Variants in SKAP2 observed in about 807,000 individuals in gnomAD.
SKAP2 encodes src kinase associated phosphoprotein 2, also known as src kinase-associated phosphoprotein 2.
Under a neutral mutation model 54.9 loss-of-function variants are expected in SKAP2, and 28 were observed. The ratio of observed to expected loss-of-function variants is 0.51; its 90% CI spans 0.38 to 0.70. The LOEUF (loss-of-function observed/expected upper bound fraction) is 0.70. Ranked by LOEUF, SKAP2 falls within the 30% of genes least tolerant of loss-of-function variation. The probability of loss-of-function intolerance (pLI) is 0.00; values close to 1 mark genes in which losing one functional copy is unlikely to be tolerated. For synonymous variants in SKAP2, 137 were observed against 134.3 expected (o/e 1.02, Z -0.14); for missense variants, 356 against 424.1 (o/e 0.84, Z 1.41).
At chr7:26,851,793 G>C (rs192686702) in intron 3 of SKAP2, among the ~76,000 whole-genome samples, 8 of 151,762 alleles carry the variant, frequency 5.3e-5, no homozygotes, top group African/African-American at 1.9e-4. Flanking sequence ...AGATTATCTA[G>C]AGTAGAAGGG....
Position 26,854,772 on chromosome 7 carries a change from G to T in SKAP2, c.173+13C>A, listed in dbSNP as rs756651847. 5 of 1,578,268 alleles carry T rather than the reference G, an allele frequency of 3.2e-6. No individual in the cohort carries two copies. The highest frequency in any genetic ancestry group is 3.5e-6 in the Non-Finnish European group (4 of 1,157,776). ...TATGTAAGAAATCAGTAAACAAAAG[G>T]TAAGTGACTTACATAGACTTTACAT... On this transcript the variant is annotated intron_variant, in intron 2 of 12. Coordinates refer to ENST00000345317, the MANE Select transcript of SKAP2 (RefSeq NM_003930.5).
chr7:26,774,619 C>T (rs1165415722), intron 4 of SKAP2, among the ~76,000 whole-genome samples: 1 of 151,984 alleles, frequency 6.6e-6, no homozygotes, highest in Non-Finnish European at 1.5e-5. Flanking sequence ...TGACTATCCT[C>T]ACTCACTCTT....
intron 4 of SKAP2, among the ~76,000 whole-genome samples, chr7:26,755,278 T>C (rs941471594): frequency 4.3e-5 from 6 of 140,598 alleles, no homozygotes; most frequent in African/African-American, 1.6e-4. Context: ...TGCTGAAATA[T>C]GGAAATTTAA....
intron 6 of SKAP2, among the ~76,000 whole-genome samples, chr7:26,731,426 T>C (rs2127958110): frequency 6.6e-6 from 1 of 152,312 alleles, no homozygotes. Flanking sequence ...CCTCTGCCTA[T>C]CTCTTAAAAA....
In SKAP2 at chr7:26,820,948, T is replaced by C. The variant is rs188684623; in HGVS notation, c.307+23082A>G. ...CTACTACAATCTTTTGAAATACTAT[T>C]AATTATCCCTAATTTTACAAATTAA... On this transcript the variant is annotated intron_variant, in intron 4 of 12. Coordinates refer to ENST00000345317, the MANE Select transcript of SKAP2 (RefSeq NM_003930.5). Among the ~76,000 whole-genome samples, 13 of 152,262 alleles carry C rather than the reference T, an allele frequency of 8.5e-5. 1 individual carries two copies. The South Asian group carries it at 2.7e-3, about 32-fold the overall frequency.
chr7:26,787,987 C>T (rs1783593794), intron 4 of SKAP2, among the ~76,000 whole-genome samples: 1 of 152,166 alleles, frequency 6.6e-6, no homozygotes, highest in Non-Finnish European at 1.5e-5. Flanking sequence ...CCCTGAATAG[C>T]TGGGATTATC....
At chr7:26,712,948 T>C (rs185080296) in intron 9 of SKAP2, among the ~76,000 whole-genome samples, 58 of 152,366 alleles carry the variant, frequency 3.8e-4, no homozygotes, top group African/African-American at 1.3e-3. Context: ...GGCAATCTTA[T>C]ATAATTATAC....
chr7:26,724,157 A>G, intron 9 of SKAP2, among the ~76,000 whole-genome samples: 1 of 152,174 alleles, frequency 6.6e-6, no homozygotes, highest in East Asian at 1.9e-4. Context: ...CATAGTTTTT[A>G]TACCTTAAAT....
intron 5 of SKAP2, 88 bp from the exon 6 acceptor site, chr7:26,738,966 C>T: frequency 1.2e-6 from 1 of 814,758 alleles, no homozygotes; most frequent in South Asian, 1.4e-5. Context: ...CCTCTGAGCT[C>T]TAACATTGTG....
chr7:26,839,251 A>G (rs1784772302), intron 4 of SKAP2, among the ~76,000 whole-genome samples: 1 of 152,148 alleles, frequency 6.6e-6, no homozygotes, highest in South Asian at 2.1e-4. Flanking sequence ...ATTGCACAAT[A>G]TATACCTTGA....
chr7:26,742,537 T>C (rs993893734), intron 4 of SKAP2: 4 of 152,198 alleles, frequency 2.6e-5, no homozygotes, highest in African/African-American at 9.6e-5. Flanking sequence ...ACCTGATACA[T>C]CACAATAAAA....
At chr7:26,679,456 G>A (rs763973023) in intron 11 of SKAP2, among the ~76,000 whole-genome samples, 2 of 152,150 alleles carry the variant, frequency 1.3e-5, no homozygotes, top group Non-Finnish European at 2.9e-5. Flanking sequence ...TGCTTCCAGT[G>A]TACTCTAGAC....
chr7:26,739,193 T>C (rs778988870), intron 5 of SKAP2, among the ~76,000 whole-genome samples: 5 of 152,168 alleles, frequency 3.3e-5, no homozygotes, highest in Non-Finnish European at 7.4e-5. Flanking sequence ...TCATCTGTTA[T>C]AAAAAGAAGG....
downstream of SKAP2, among the ~76,000 whole-genome samples, chr7:26,663,225 C>G (rs1336852410): frequency 6.6e-6 from 1 of 152,068 alleles, no homozygotes; most frequent in Non-Finnish European, 1.5e-5. Flanking sequence ...ATAAGACAGT[C>G]AGTACTATAG....
In SKAP2 at chr7:26,792,298, C is replaced by A. The variant is rs536401986; in HGVS notation, c.307+51732G>T. On this transcript the variant is annotated intron_variant, in intron 4 of 12. Coordinates refer to ENST00000345317, the MANE Select transcript of SKAP2 (RefSeq NM_003930.5). ...GTGGTTACCCAGCTGCATATAGCTA[C>A]CAAAACTCATCACATTGTTCACTTT... Among the ~76,000 whole-genome samples the A allele has an allele frequency of 6.6e-5, 10 of 152,208 alleles. No homozygotes were observed. The East Asian group carries it at 1.7e-3, about 26-fold the overall frequency.
At chr7:26,765,147 TCC>T (rs1491081043) in intron 4 of SKAP2, among the ~76,000 whole-genome samples, 54 of 136,914 alleles carry the variant, frequency 3.9e-4, no homozygotes, top group African/African-American at 1.2e-3. Context: ...ATCTGTTGTT[TCC>T]TGACTTTTTA....
At position 26,740,010 on chromosome 7, in the gene SKAP2, T is replaced by C. The variant is rs1782399339; in HGVS notation, c.308-46A>G. ...AAAAAAAAAAGCAGTGGGTAATCCA[T>C]TTCAGAATAAACAAGTGCCAGATCT... On this transcript the variant is annotated intron_variant, in intron 4 of 12. Coordinates refer to ENST00000345317, the MANE Select transcript of SKAP2 (RefSeq NM_003930.5). 10 of 1,239,690 alleles carry C rather than the reference T, an allele frequency of 8.1e-6. 1 individual carries two copies. In the East Asian group the frequency reaches 2.1e-4, roughly 26 times the overall value. The allele number at this position is 1,239,690 out of a possible 1,614,324, so 76.8% of individuals were successfully genotyped here.
chr7:26,784,231 C>T (rs534526532), intron 4 of SKAP2, among the ~76,000 whole-genome samples: 2 of 152,266 alleles, frequency 1.3e-5, no homozygotes, highest in South Asian at 4.1e-4. Context: ...TTACCTCTGG[C>T]TGTTCAGGGA....
chr7:26,803,323 C>T (rs1350699009), intron 4 of SKAP2, among the ~76,000 whole-genome samples: 1 of 152,200 alleles, frequency 6.6e-6, no homozygotes, highest in Non-Finnish European at 1.5e-5. Context: ...TTTGAACAGA[C>T]ATTTCTCAAA....
Sources: allele counts gnomAD v4.1 joint callset (sites outside exome capture counted in the v4.1 genomes callset), GRCh38; gene constraint gnomAD v4.1.1; transcripts MANE v1.5; gene names NCBI Gene and HGNC (gene_info 2026-07-23, HGNC 2026-07-21).